Variants in UTRN observed in about 807,000 individuals in gnomAD.
UTRN encodes dystrophin-related protein 1.
Under a neutral mutation model 463.9 loss-of-function variants are expected in UTRN, and 283 were observed. The ratio of observed to expected loss-of-function variants is 0.61; its 90% CI spans 0.55 to 0.67. UTRN has a LOEUF of 0.67. Among genes scored for constraint, UTRN ranks in the 30% least tolerant of loss-of-function variants. The pLI is 0.00. For synonymous variants in UTRN, 1,442 were observed against 1,431.5 expected (o/e 1.01, Z -0.17); for missense variants, 3,922 against 4,084.3 (o/e 0.96, Z 1.08).
intron 62 of UTRN, among the ~76,000 whole-genome samples, chr6:144,793,626 G>A (rs899595663): frequency 6.6e-6 from 1 of 152,120 alleles, no homozygotes; most frequent in Admixed American, 6.5e-5. Flanking sequence ...TTAACTACAT[G>A]CTTCTTAAAA....
At chr6:144,288,177 C>T (rs1001449723) in intron 1 of UTRN, among the ~76,000 whole-genome samples, 3 of 152,208 alleles carry the variant, frequency 2.0e-5, no homozygotes, top group Non-Finnish European at 4.4e-5. Context: ...TCCCCATTTT[C>T]CTCTGTACTC....
At chr6:144,531,681 G>A (rs2128601948) in intron 42 of UTRN, among the ~76,000 whole-genome samples, 1 of 152,190 alleles carries the variant, frequency 6.6e-6, no homozygotes, top group South Asian at 2.1e-4. Context: ...ATAACACAAA[G>A]TTAGTTCTGA....
intron 51 of UTRN, among the ~76,000 whole-genome samples, chr6:144,602,502 T>C (rs1412615639): frequency 6.6e-6 from 1 of 152,164 alleles, no homozygotes; most frequent in South Asian, 2.1e-4. Context: ...AAAATACTTC[T>C]AAAACATTGA....
intron 2 of UTRN, among the ~76,000 whole-genome samples, chr6:144,336,301 CA>C (rs1421987909): frequency 6.6e-6 from 1 of 152,128 alleles, no homozygotes; most frequent in Non-Finnish European, 1.5e-5. Flanking sequence ...AGCTGAATGA[CA>C]GTAAACAACC....
At chr6:144,823,126 G>T (rs906507158) in intron 66 of UTRN, among the ~76,000 whole-genome samples, 10 of 152,056 alleles carry the variant, frequency 6.6e-5, no homozygotes, top group Non-Finnish European at 1.5e-4. Flanking sequence ...TTCTGAAAAT[G>T]CCTCGCCTCA....
intron 51 of UTRN, among the ~76,000 whole-genome samples, chr6:144,590,739 C>A (rs1049457390): frequency 1.4e-4 from 22 of 151,946 alleles, no homozygotes; most frequent in African/African-American, 4.8e-4. Context: ...TCTGGCTTTG[C>A]CACTTACCAG....
intron 73 of UTRN, among the ~76,000 whole-genome samples, chr6:144,845,414 T>G (rs1413869895): frequency 6.6e-6 from 1 of 152,204 alleles, no homozygotes; most frequent in Non-Finnish European, 1.5e-5. Context: ...CACAGGCATA[T>G]TTTTACTATG....
At chr6:144,688,075 T>C (rs1304858521) in intron 52 of UTRN, among the ~76,000 whole-genome samples, 1 of 152,176 alleles carries the variant, frequency 6.6e-6, no homozygotes, top group Non-Finnish European at 1.5e-5. Flanking sequence ...TTTTGTTTGA[T>C]TGGGTTAATT....
intron 58 of UTRN, among the ~76,000 whole-genome samples, chr6:144,769,883 A>G (rs1047852240): frequency 1.3e-5 from 2 of 152,134 alleles, no homozygotes; most frequent in Admixed American, 6.5e-5. Flanking sequence ...AAATCCTTCC[A>G]TATTTGTTGG....
At chr6:144,425,583 A>C (rs552515068) in intron 6 of UTRN, among the ~76,000 whole-genome samples, 1 of 152,234 alleles carries the variant, frequency 6.6e-6, no homozygotes, top group East Asian at 1.9e-4. Flanking sequence ...TGTAAAGAAG[A>C]GCTTCCCCTT....
intron 51 of UTRN, among the ~76,000 whole-genome samples, chr6:144,639,692 T>C (rs1777564283): frequency 6.6e-6 from 1 of 152,220 alleles, no homozygotes; most frequent in Non-Finnish European, 1.5e-5. Context: ...CTTTTTTTTT[T>C]TCTTATCTTA....
intron 51 of UTRN, among the ~76,000 whole-genome samples, chr6:144,616,401 C>G (rs898702017): frequency 1.3e-5 from 2 of 152,004 alleles, no homozygotes; most frequent in Non-Finnish European, 1.5e-5. Context: ...TTAGCGAATC[C>G]TTTGGATTAA....
intron 58 of UTRN, among the ~76,000 whole-genome samples, chr6:144,769,680 A>G (rs1489963664): frequency 6.6e-6 from 1 of 152,178 alleles, no homozygotes; most frequent in African/African-American, 2.4e-5. Flanking sequence ...CTGGCTCTAC[A>G]TTACCGATGG....
chr6:144,672,438 G>A (rs943589600), intron 51 of UTRN, among the ~76,000 whole-genome samples: 20 of 151,888 alleles, frequency 1.3e-4, no homozygotes, highest in African/African-American at 4.6e-4. Context: ...TCTAGCTTAT[G>A]TGTGTAAAGG....
chr6:144,537,627 A>G lies in UTRN; in HGVS notation c.6279A>G (p.Leu2093=), dbSNP rs749958895. Residue 2093 remains leucine (L), a synonymous_variant, in exon 44 of 75, where the codon CTA becomes CTG. Transcript: ENST00000367545. ...SKQVMKYRHQ[L]DEIICWLTKA... ...AGGTGATGAAGTACAGGCATCAGCTAGATGAGATTATCTGTTGGTTAACAA... is the reference window on the plus strand; with the variant it reads ...AGGTGATGAAGTACAGGCATCAGCTGGATGAGATTATCTGTTGGTTAACAA... The G allele has an allele frequency of 2.0e-5, 32 of 1,612,218 alleles. No homozygotes were observed. The highest frequency in any genetic ancestry group is 1.7e-4 in the Admixed American group (10 of 59,670).
At chr6:144,479,724 T>C in intron 25 of UTRN, 88 bp from the exon 26 acceptor site, 3 of 1,463,300 alleles carry the variant, frequency 2.1e-6, no homozygotes, top group Non-Finnish European at 2.8e-6. Flanking sequence ...TGGAAAGTTA[T>C]TACTGTGCCT....
chr6:144,697,569 T>C (rs576659514), intron 52 of UTRN, among the ~76,000 whole-genome samples: 16 of 152,268 alleles, frequency 1.1e-4, no homozygotes, highest in Middle Eastern at 3.4e-3. Context: ...AAACACATAG[T>C]TATAATCTAT....
Position 144,766,029 on chromosome 6 carries a change from A to G in UTRN, c.8496-5878A>G, listed in dbSNP as rs182233340. 2.8e-3 allele frequency among the ~76,000 whole-genome samples: 430 copies of G among 151,660 alleles called. 2 individuals carry two copies. The highest frequency in any genetic ancestry group is 1.0e-2 in the African/African-American group (410 of 41,014). ...TTGCGAGTGGATGAGGAAGTTGAAT[A>G]TAACCTGAGGAATATATAAGTTATT... On this transcript the variant is annotated intron_variant, in intron 58 of 74. Transcript: ENST00000367545.
chr6:144,619,876 A>C (rs976270282), intron 51 of UTRN, among the ~76,000 whole-genome samples: 1 of 152,196 alleles, frequency 6.6e-6, no homozygotes, highest in African/African-American at 2.4e-5. Context: ...AGCATTTTAA[A>C]ACCAGGTGGA....
Sources: gnomAD v4.1 joint callset for allele counts (sites outside exome capture counted in the v4.1 genomes callset) on GRCh38, gnomAD v4.1.1 for gene constraint, MANE v1.5 for transcripts, NCBI Gene and HGNC (gene_info 2026-07-23, HGNC 2026-07-21) for gene names.